The following BRIP1 variants were observed in gnomAD, a reference collection of about 807,000 sequenced individuals.
BRIP1 encodes the protein Fanconi anemia group J protein.
A neutral mutation model predicts 119.7 loss-of-function variants in BRIP1; 88 were observed. The ratio of observed to expected loss-of-function variants is 0.74; its 90% CI spans 0.62 to 0.88. The LOEUF is 0.88. Ranked by LOEUF, BRIP1 falls within the 40% of genes least tolerant of loss-of-function variation. BRIP1 has a pLI of 0.00. For missense variants in BRIP1, 1,259 were observed against 1,455.4 expected (o/e 0.87, Z 2.20); for synonymous variants, 443 against 496.5 (o/e 0.89, Z 1.43).
Position 61,745,806 on chromosome 17 carries a change from A to G in BRIP1, c.2098-1215T>C, listed in dbSNP as rs2077051111. Among the ~76,000 whole-genome samples the G allele has an allele frequency of 2.0e-5, 3 of 152,354 alleles. No individual in the cohort carries two copies. The South Asian group carries it at 6.2e-4, about 32-fold the overall frequency. ...TACAGCAATGGCAATACATGGAAAT[A>G]CATTTATAGCTTTAAATATATTTAT... is the stretch of plus-strand genomic sequence containing the variant. On this transcript the variant is annotated intron_variant, in intron 14 of 19. Transcript: ENST00000259008. This position sits in a 1 kb window ranked among gnomAD's most constrained non-coding sequence, Gnocchi z 4.4.
chr17:61,701,909 A>T lies in BRIP1; in HGVS notation c.2493-8397T>A, dbSNP rs145404970. On this transcript the variant is annotated intron_variant, in intron 17 of 19. Coordinates refer to ENST00000259008, the MANE Select transcript of BRIP1 (RefSeq NM_032043.3). This position sits in a 1 kb window ranked among gnomAD's most constrained non-coding sequence, Gnocchi z 5.1. Reference sequence around the variant, plus strand: ...TGTTTTGCTCCCTCCAATGACTGTCAGGTTGTTGGCTTTCCTCACGATTTC... The same window carrying T: ...TGTTTTGCTCCCTCCAATGACTGTCTGGTTGTTGGCTTTCCTCACGATTTC... Among the ~76,000 whole-genome samples the T allele has an allele frequency of 5.9e-4, 90 of 152,292 alleles. No homozygotes were observed. Among genetic ancestry groups the T allele is most frequent in the Non-Finnish European group, 1.0e-3 (70 of 68,020 alleles).
Position 61,738,306 on chromosome 17 carries a change from A to C in BRIP1, c.2379+4707T>G, listed in dbSNP as rs1368415057. Among the ~76,000 whole-genome samples, 1 of 152,216 alleles carries C rather than the reference A, an allele frequency of 6.6e-6. No individual in the cohort carries two copies. The highest frequency in any genetic ancestry group is 2.4e-5 in the African/African-American group (1 of 41,452). On this transcript the variant is annotated intron_variant, in intron 16 of 19. Transcript: ENST00000259008. The surrounding 1 kb of genome is among the most constrained non-coding windows in gnomAD (Gnocchi z 4.2). ...GAACTGATCCAGACATATGGCAATA[A>C]GAAATACACTTCCCAGTACATCTAG...
chr17:61,737,403 T>C (rs1312278772), intron 16 of BRIP1, among the ~76,000 whole-genome samples: 1 of 152,036 alleles, frequency 6.6e-6, no homozygotes, highest in South Asian at 2.1e-4. Flanking sequence ...GAATCAAATA[T>C]CTAAATTAAA....
chr17:61,754,939 G>T lies in BRIP1; in HGVS notation c.2098-10348C>A, dbSNP rs1223171769. On this transcript the variant is annotated intron_variant, in intron 14 of 19. Coordinates refer to ENST00000259008, the MANE Select transcript of BRIP1 (RefSeq NM_032043.3). The surrounding 1 kb of genome is among the most constrained non-coding windows in gnomAD (Gnocchi z 4.1). ...CATCTCCAAATATAACCACACTGGG[G>T]GTTAGGGCTTCAACATAAAAAATTT... Among the ~76,000 whole-genome samples, 2 of 152,088 alleles carry T rather than the reference G, an allele frequency of 1.3e-5. No individual in the cohort carries two copies. Among genetic ancestry groups the T allele is most frequent in the African/African-American group, 4.8e-5 (2 of 41,406 alleles).
rs552259803 is a variant in BRIP1, at chr17:61,759,454, T to C, written c.2098-14863A>G. On this transcript the variant is annotated intron_variant, in intron 14 of 19. Transcript: ENST00000259008. This position sits in a 1 kb window ranked among gnomAD's most constrained non-coding sequence, Gnocchi z 4.9. ...GTATTAAAGGATCTGAAAAGAGAGA[T>C]AGATTCTAATACAATAATAGTAGGA... 5.9e-5 allele frequency among the ~76,000 whole-genome samples: 9 copies of C among 152,242 alleles called. No homozygotes were observed. The highest frequency in any genetic ancestry group is 9.6e-5 in the African/African-American group (4 of 41,530).
intron 17 of BRIP1, among the ~76,000 whole-genome samples, chr17:61,697,155 C>T (rs1056265003): frequency 1.3e-5 from 2 of 150,572 alleles, no homozygotes; most frequent in African/African-American, 2.4e-5. Flanking sequence ...ATCAGCCTGG[C>T]CAACATAGTG....
chr17:61,857,215 C>G lies in BRIP1; in HGVS notation c.222G>C (p.Glu74Asp), dbSNP rs1603366432. The change falls in exon 4 of 20, where the codon GAG (glutamate) becomes GAC (aspartate). Residue 74 changes from glutamate to aspartate, a missense_variant. Coordinates refer to ENST00000259008, the MANE Select transcript of BRIP1 (RefSeq NM_032043.3). This position sits in a 1 kb window ranked among gnomAD's most constrained non-coding sequence, Gnocchi z 5.1. The stretch of plus-strand genomic sequence containing the variant: ...GTACTTCAGCTTTTTCACTTACGCC[C>G]TCATCTGCTGGTTTCCCTAAAAATG... ...QQSLSGKPAD[E>D]GVSEKAEVQL... 6.2e-7 allele frequency: 1 copy of G among 1,613,722 alleles called. No homozygotes were observed. Among genetic ancestry groups the G allele is most frequent in the Non-Finnish European group, 8.5e-7 (1 of 1,179,720 alleles).
Position 61,756,008 on chromosome 17 carries a change from A to AC in BRIP1, c.2098-11418_2098-11417insG, listed in dbSNP as rs2077195888. ...TTTTATTTTAATTTCTTCAGTGGAG[A>AC]TTTTTTTTAAAGTACCTTAAAACCT... On this transcript the variant is annotated intron_variant, in intron 14 of 19. Coordinates refer to ENST00000259008, the MANE Select transcript of BRIP1 (RefSeq NM_032043.3). This position sits in a 1 kb window ranked among gnomAD's most constrained non-coding sequence, Gnocchi z 4.3. Among the ~76,000 whole-genome samples, 1 of 151,996 alleles carries AC rather than the reference A, an allele frequency of 6.6e-6. No homozygotes were observed. Among genetic ancestry groups the AC allele is most frequent in the African/African-American group, 2.4e-5 (1 of 41,380 alleles).
At position 61,713,560 on chromosome 17, in the gene BRIP1, C is replaced by T. The variant is rs1181527289; in HGVS notation, c.2492+2391G>A. Among the ~76,000 whole-genome samples the T allele has an allele frequency of 6.0e-5, 9 of 149,300 alleles. No homozygotes were observed. Among genetic ancestry groups the T allele is most frequent in the East Asian group, 2.0e-4 (1 of 5,084 alleles). ...TTTTTGAGATGGAGTCTCGCTCTGT[C>T]GCCCAGGCTGGAGTGCAGTGGGGTG... On this transcript the variant is annotated intron_variant, in intron 17 of 19. Transcript: ENST00000259008. The surrounding 1 kb of genome is among the most constrained non-coding windows in gnomAD (Gnocchi z 4.9).
At chr17:61,817,568 C>T (rs976675568) in intron 6 of BRIP1, among the ~76,000 whole-genome samples, 1 of 152,108 alleles carries the variant, frequency 6.6e-6, no homozygotes, top group Non-Finnish European at 1.5e-5. Context: ...GCAGCACTAC[C>T]CAACAGGATT....
intron 16 of BRIP1, among the ~76,000 whole-genome samples, chr17:61,723,724 T>C (rs1434350578): frequency 1.3e-5 from 2 of 152,186 alleles, no homozygotes; most frequent in African/African-American, 4.8e-5. Flanking sequence ...TTAATTGTAC[T>C]TTTTGGAAAC....
chr17:61,828,117 A>G lies in BRIP1; in HGVS notation c.627+18984T>C, dbSNP rs999202400. On this transcript the variant is annotated intron_variant, in intron 6 of 19. Transcript: ENST00000259008. This position sits in a 1 kb window ranked among gnomAD's most constrained non-coding sequence, Gnocchi z 4.1. ...AGATACGTACACCAATGTTCACAGC[A>G]GCATTATTCAAAATAGCAAAAAGAT... Among the ~76,000 whole-genome samples the G allele has an allele frequency of 1.4e-4, 22 of 152,240 alleles. No homozygotes were observed. Among genetic ancestry groups the G allele is most frequent in the Non-Finnish European group, 2.6e-4 (18 of 68,038 alleles).
Position 61,780,763 on chromosome 17 carries a change from TAA to T in BRIP1, c.1794+75_1794+76del. 6.7e-7 allele frequency: 1 copy of T among 1,489,776 alleles called. No homozygotes were observed. Among genetic ancestry groups the T allele is most frequent in the Non-Finnish European group, 9.4e-7 (1 of 1,068,438 alleles). The allele number at this position is 1,489,776 out of a possible 1,614,324, so 92.3% of individuals were successfully genotyped here. Reference sequence around the variant, plus strand: ...AACAACAACAACAAACAACTATCTTTAAAAGAGTCAACCACATTTATTAAAAT... The same window carrying T: ...AACAACAACAACAAACAACTATCTTTAAGAGTCAACCACATTTATTAAAAT... On this transcript the variant is annotated intron_variant, in intron 12 of 19. Coordinates refer to ENST00000259008, the MANE Select transcript of BRIP1 (RefSeq NM_032043.3). This position sits in a 1 kb window ranked among gnomAD's most constrained non-coding sequence, Gnocchi z 5.4.
In BRIP1 at chr17:61,681,156, T is replaced by C. The variant is rs955951265; in HGVS notation, c.*2140A>G. 5.2e-6 allele frequency: 1 copy of C among 192,350 alleles called. No individual in the cohort carries two copies. The highest frequency in any genetic ancestry group is 1.1e-5 in the Non-Finnish European group (1 of 92,132). The allele number at this position is 192,350 out of a possible 1,614,324, so 11.9% of individuals were successfully genotyped here. ...ATTCAATTACCTCCCACTGGGTCCT[T>C]CCCACAACACGTCGGGATTATGGGA... On this transcript the variant is annotated 3_prime_UTR_variant, in exon 20 of 20. Transcript: ENST00000259008. The surrounding 1 kb of genome is among the most constrained non-coding windows in gnomAD (Gnocchi z 5.1).
In BRIP1 at chr17:61,859,857, T is replaced by C. The variant is rs1423058475; in HGVS notation, c.144A>G (p.Thr48=). 1.9e-6 allele frequency: 3 copies of C among 1,613,964 alleles called. No individual in the cohort carries two copies. Among genetic ancestry groups the C allele is most frequent in the Admixed American group, 3.3e-5 (2 of 60,028 alleles). ...SKQHCLLESP[T]GSGKSLALLC... ...GTAAGGCTAAGCTTTTTCCACTTCC[T>C]GTGGGACTCTCCAACAAACAATGTT... The change falls in exon 3 of 20, where the codon ACA becomes ACG. Residue 48 remains threonine, a synonymous_variant. Transcript: ENST00000259008.
At position 61,777,435 on chromosome 17, in the gene BRIP1, G is replaced by C. The variant is rs536743947; in HGVS notation, c.1936-873C>G. Among the ~76,000 whole-genome samples the C allele has an allele frequency of 2.0e-5, 3 of 152,238 alleles. No homozygotes were observed. In the East Asian group the frequency reaches 5.8e-4, roughly 29 times the overall value. ...ATTCTGATACTATCTACTGGGAGAT[G>C]ATAACTTCAGATCCCAGAGGTTGAG... On this transcript the variant is annotated intron_variant, in intron 13 of 19. Transcript: ENST00000259008.
At chr17:61,765,074 A>T (rs1392695840) in intron 14 of BRIP1, among the ~76,000 whole-genome samples, 2 of 151,684 alleles carry the variant, frequency 1.3e-5, no homozygotes, top group Non-Finnish European at 2.9e-5. Context: ...TGATGGAGCA[A>T]GAAGGCCCTT....
At chr17:61,839,878 ATTTTACCAATG>A (rs1218932825) in intron 6 of BRIP1, among the ~76,000 whole-genome samples, 1 of 152,218 alleles carries the variant, frequency 6.6e-6, no homozygotes. Flanking sequence ...ATACAGCTAT[ATTTTACCAATG>A]AGCAGACCAT....
Position 61,827,539 on chromosome 17 carries a change from C to A in BRIP1, c.628-18782G>T, listed in dbSNP as rs1046436600. ...GACCAGAAGTTCAAGGCTAGCCTGG[C>A]CAACATGGTGAAACCCCATCTCTAT... On this transcript the variant is annotated intron_variant, in intron 6 of 19. Coordinates refer to ENST00000259008, the MANE Select transcript of BRIP1 (RefSeq NM_032043.3). The surrounding 1 kb of genome is among the most constrained non-coding windows in gnomAD (Gnocchi z 5.8). 7.2e-5 allele frequency among the ~76,000 whole-genome samples: 11 copies of A among 152,096 alleles called. No homozygotes were observed. The highest frequency in any genetic ancestry group is 2.7e-4 in the African/African-American group (11 of 41,410).
Sources: gnomAD v4.1 joint callset for allele counts (sites outside exome capture counted in the v4.1 genomes callset) on GRCh38, gnomAD v4.1.1 for gene constraint, Gnocchi (gnomAD v3.1) non-coding constraint, MANE v1.5 for transcripts, NCBI Gene and HGNC (gene_info 2026-07-23, HGNC 2026-07-21) for gene names.